The following SPACA7 variants were observed in gnomAD, a reference collection of about 807,000 sequenced individuals.
SPACA7 encodes the protein sperm acrosome associated 7.
In SPACA7, 19 loss-of-function variants were observed where a neutral mutation model predicts 26.3. That is an observed-to-expected ratio of 0.72 (90% CI 0.50 to 1.06). SPACA7 has a LOEUF of 1.06. SPACA7 is among the 50% of genes least tolerant of loss of function. The pLI is 0.00. For missense variants in SPACA7, 211 were observed against 229.9 expected (o/e 0.92, Z 0.53); for synonymous variants, 84 against 84.5 (o/e 0.99, Z 0.04).
chr13:112,422,808 C>A (rs1876114270), intron 5 of SPACA7, among the ~76,000 whole-genome samples: 1 of 152,186 alleles, frequency 6.6e-6, no homozygotes, highest in African/African-American at 2.4e-5. Context: ...TAAACATGCT[C>A]TTTAAGGCAG....
At chr13:112,395,332 T>G (rs112031640) in intron 2 of SPACA7, among the ~76,000 whole-genome samples, 1 of 152,204 alleles carries the variant, frequency 6.6e-6, no homozygotes, top group African/African-American at 2.4e-5. Context: ...TTCCTGGCCC[T>G]CTGGGGCCGG....
At chr13:112,413,164 A>G (rs529208834) in intron 5 of SPACA7, among the ~76,000 whole-genome samples, 21 of 152,166 alleles carry the variant, frequency 1.4e-4, no homozygotes, top group Non-Finnish European at 3.1e-4. Context: ...GCTGACTTTT[A>G]CCATTGAGTT....
chr13:112,389,482 T>C (rs1884739127), intron 1 of SPACA7, among the ~76,000 whole-genome samples: 1 of 152,264 alleles, frequency 6.6e-6, no homozygotes. Context: ...ACTAGCTTTA[T>C]ATATCAACCA....
At chr13:112,420,326 G>A (rs934457659) in intron 5 of SPACA7, among the ~76,000 whole-genome samples, 5 of 152,126 alleles carry the variant, frequency 3.3e-5, no homozygotes, top group Admixed American at 2.0e-4. Context: ...AAATAATCTA[G>A]TGGAAAATAT....
intron 1 of SPACA7, 120 bp downstream of exon 1, chr13:112,376,599 G>A: frequency 9.5e-7 from 1 of 1,049,332 alleles, no homozygotes; most frequent in Non-Finnish European, 1.3e-6. Flanking sequence ...TTATTCCTTG[G>A]GGAATGAATG....
At chr13:112,382,943 C>T (rs993044893) in intron 1 of SPACA7, among the ~76,000 whole-genome samples, 3 of 149,956 alleles carry the variant, frequency 2.0e-5, no homozygotes, top group Admixed American at 6.7e-5. Flanking sequence ...AAGCTGAGAT[C>T]GAGCTATTGC....
At chr13:112,414,847 T>C (rs564708690) in intron 5 of SPACA7, among the ~76,000 whole-genome samples, 18 of 152,366 alleles carry the variant, frequency 1.2e-4, no homozygotes, top group African/African-American at 4.3e-4. Flanking sequence ...AGTCATATTT[T>C]TCTGAATGTT....
chr13:112,423,668 C>T (rs974651132), intron 5 of SPACA7, among the ~76,000 whole-genome samples: 13 of 152,172 alleles, frequency 8.5e-5, no homozygotes, highest in Non-Finnish European at 1.2e-4. Context: ...TCAAGGCTAT[C>T]CCCATATCAG....
At chr13:112,397,032 TG>T (rs1254007628) in intron 2 of SPACA7, among the ~76,000 whole-genome samples, 1 of 152,284 alleles carries the variant, frequency 6.6e-6, no homozygotes, top group South Asian at 2.1e-4. Context: ...GGGGCCTCAC[TG>T]GGGGCACACA....
chr13:112,396,889 C>T (rs755352774), intron 2 of SPACA7, among the ~76,000 whole-genome samples: 39 of 152,186 alleles, frequency 2.6e-4, no homozygotes, highest in Non-Finnish European at 4.7e-4. Context: ...TGCCAGACAC[C>T]TCGTCCACTC....
At chr13:112,404,776 G>A (rs868564058) in intron 5 of SPACA7, among the ~76,000 whole-genome samples, 135 of 152,160 alleles carry the variant, frequency 8.9e-4, no homozygotes, top group African/African-American at 3.0e-3. Flanking sequence ...TTTGGTCTAT[G>A]TGCCTATTTT....
intron 1 of SPACA7, among the ~76,000 whole-genome samples, chr13:112,387,061 G>T (rs1369026491): frequency 6.6e-6 from 1 of 152,148 alleles, no homozygotes; most frequent in Non-Finnish European, 1.5e-5. Context: ...TAGAACCCAG[G>T]CCACCATTGT....
chr13:112,413,790 A>C (rs1886506255), intron 5 of SPACA7, among the ~76,000 whole-genome samples: 2 of 152,270 alleles, frequency 1.3e-5, no homozygotes, highest in South Asian at 4.2e-4. Flanking sequence ...ATATTTTTAA[A>C]TGGCCTAAGT....
intron 2 of SPACA7, among the ~76,000 whole-genome samples, chr13:112,395,927 G>C (rs1885217824): frequency 6.6e-6 from 1 of 152,084 alleles, no homozygotes; most frequent in Non-Finnish European, 1.5e-5. Context: ...CGTTTTTCTA[G>C]CCCTGACCAA....
chr13:112,389,645 A>G (rs1229209866), intron 1 of SPACA7, among the ~76,000 whole-genome samples: 1 of 152,214 alleles, frequency 6.6e-6, no homozygotes, highest in Non-Finnish European at 1.5e-5. Flanking sequence ...TACCATCCAG[A>G]GGTAGAAAAA....
chr13:112,385,536 T>C (rs1291721588), intron 1 of SPACA7, among the ~76,000 whole-genome samples: 1 of 152,198 alleles, frequency 6.6e-6, no homozygotes, highest in African/African-American at 2.4e-5. Flanking sequence ...GGCATGCCTC[T>C]CCACATGTCT....
rs1339088497 is a variant in SPACA7 at position 112,383,138 on chromosome 13, AAAG to A, written c.94+6662_94+6664del. 3.6e-4 allele frequency among the ~76,000 whole-genome samples: 7 copies of A among 19,440 alleles called. 1 individual carries two copies. Among genetic ancestry groups the A allele is most frequent in the African/African-American group, 6.8e-4 (3 of 4,392 alleles). The allele number at this position is 19,440 out of a possible 152,430, so 12.8% of individuals were successfully genotyped here. On this transcript the variant is annotated intron_variant, in intron 1 of 6. Coordinates refer to ENST00000283550, the MANE Select transcript of SPACA7 (RefSeq NM_145248.5). The stretch of plus-strand genomic sequence containing the variant: ...AAGAAAAGAAAAGAAAGAAAGAAAG[AAAG>A]AAAGAAAGAAAGAAAGAAAGAAAGA...
At chr13:112,432,614 C>T in intron 6 of SPACA7, 93 bp downstream of exon 6, 1 of 924,254 alleles carries the variant, frequency 1.1e-6, no homozygotes, top group Non-Finnish European at 1.7e-6. Context: ...CCAGGGAGAG[C>T]AGGTGAGCCC....
At chr13:112,391,379 T>C (rs1191658598) in intron 1 of SPACA7, among the ~76,000 whole-genome samples, 1 of 152,222 alleles carries the variant, frequency 6.6e-6, no homozygotes, top group African/African-American at 2.4e-5. Flanking sequence ...TTTGTGGCTT[T>C]CTTGAGATGT....
Sources: allele counts gnomAD v4.1 joint callset (sites outside exome capture counted in the v4.1 genomes callset), GRCh38; gene constraint gnomAD v4.1.1; transcripts MANE v1.5; gene names NCBI Gene and HGNC (gene_info 2026-07-23, HGNC 2026-07-21).